The following PHKA1 variants were observed in gnomAD, a reference collection of about 807,000 sequenced individuals.
PHKA1 encodes phosphorylase kinase regulatory subunit alpha 1.
In PHKA1, 60 loss-of-function variants were observed where a neutral mutation model predicts 110.2. That is an observed-to-expected ratio of 0.54 (90% CI 0.44 to 0.68). PHKA1 has a LOEUF of 0.68. Ranked by LOEUF, PHKA1 falls within the 30% of genes least tolerant of loss-of-function variation. The pLI is 0.00. For synonymous variants in PHKA1, 316 were observed against 333.6 expected (o/e 0.95, Z 0.58); for missense variants, 801 against 942.5 (o/e 0.85, Z 1.97).
chrX:72,656,420 G>A (rs782198050), intron 9 of PHKA1, among the ~76,000 whole-genome samples, 178 bp from the exon 10 acceptor site: 27 of 112,275 alleles, frequency 2.4e-4, no homozygotes, highest in Non-Finnish European at 3.4e-4. Context: ...TCTAACTAGC[G>A]GAATTGGGAT....
rs185805228 is a variant in PHKA1, at chrX:72,694,527, G to C, written c.454+1181C>G. 3.1e-3 allele frequency among the ~76,000 whole-genome samples: 346 copies of C among 111,993 alleles called. 1 individual carries two copies. Among genetic ancestry groups the C allele is most frequent in the African/African-American group, 0.011 (337 of 30,876 alleles). On this transcript the variant is annotated intron_variant, in intron 4 of 31. Coordinates refer to ENST00000373542, the MANE Select transcript of PHKA1 (RefSeq NM_002637.4). ...AAGATATCCAGCCTTACCTTGATGGGCAGTACCTTTCAAATTTCCATGTTA... is the reference window on the plus strand; with the variant it reads ...AAGATATCCAGCCTTACCTTGATGGCCAGTACCTTTCAAATTTCCATGTTA...
intron 5 of PHKA1, among the ~76,000 whole-genome samples, chrX:72,682,370 C>T (rs1556316464): frequency 8.9e-6 from 1 of 112,561 alleles, no homozygotes; most frequent in Non-Finnish European, 1.9e-5. Flanking sequence ...GCCAGCCGCC[C>T]CGTCCGGGAG....
intron 29 of PHKA1, among the ~76,000 whole-genome samples, chrX:72,586,506 C>T (rs2052432431): frequency 9.0e-6 from 1 of 111,362 alleles, no homozygotes; most frequent in Non-Finnish European, 1.9e-5. Context: ...AATTCTAAAA[C>T]CCAGAGCGCC....
At chrX:72,670,686 A>G (rs1159625719) in intron 6 of PHKA1, among the ~76,000 whole-genome samples, 2 of 112,089 alleles carry the variant, frequency 1.8e-5, no homozygotes, top group African/African-American at 3.2e-5. Context: ...AAAATCCTCA[A>G]TAAAATACTG....
chrX:72,642,060 A>C (rs1439817642), intron 14 of PHKA1, among the ~76,000 whole-genome samples: 3 of 112,318 alleles, frequency 2.7e-5, no homozygotes, highest in African/African-American at 9.7e-5. Flanking sequence ...AAATGAAAGA[A>C]CGTATCAGGA....
chrX:72,632,878 C>T (rs890957195), intron 16 of PHKA1, among the ~76,000 whole-genome samples: 7 of 111,971 alleles, frequency 6.3e-5, no homozygotes, highest in African/African-American at 2.3e-4. Flanking sequence ...ACACTTAGCT[C>T]AGTGCCTGGC....
chrX:72,594,588 T>A (rs782084628), intron 28 of PHKA1, among the ~76,000 whole-genome samples: 1 of 112,295 alleles, frequency 8.9e-6, no homozygotes, highest in South Asian at 3.7e-4. Context: ...AAAGATAACA[T>A]CTTAATAGAA....
intron 5 of PHKA1, among the ~76,000 whole-genome samples, chrX:72,677,453 A>T (rs2369218): frequency 0.09 from 9,978 of 111,373 alleles, 988 homozygotes; most frequent in East Asian, 0.67. Flanking sequence ...TAATTCAGCA[A>T]CCACTGATGG....
intron 17 of PHKA1, among the ~76,000 whole-genome samples, chrX:72,623,894 T>C (rs782573458): frequency 8.1e-5 from 9 of 111,619 alleles, no homozygotes; most frequent in Non-Finnish European, 1.7e-4. Context: ...TAATAATCTA[T>C]GAATCTGTGC....
chrX:72,677,880 G>T (rs1357522214), intron 5 of PHKA1, among the ~76,000 whole-genome samples: 2 of 109,946 alleles, frequency 1.8e-5, no homozygotes, highest in Non-Finnish European at 3.8e-5. Context: ...AGTGAGACCC[G>T]GTTTCTACAA....
At chrX:72,634,252 G>A (rs781845700) in intron 16 of PHKA1, among the ~76,000 whole-genome samples, 6 of 111,926 alleles carry the variant, frequency 5.4e-5, no homozygotes, top group Non-Finnish European at 7.5e-5. Context: ...TGTGTTAACT[G>A]TCTTAAGTAA....
intron 5 of PHKA1, among the ~76,000 whole-genome samples, chrX:72,681,512 G>A (rs1433074079): frequency 0.011 from 937 of 83,025 alleles, no homozygotes; most frequent in African/African-American, 0.041. Flanking sequence ...TCAGCCCCCC[G>A]CCTGGCCAGC....
In PHKA1 at chrX:72,581,093, C is replaced by T. The variant is rs1556200850; in HGVS notation, c.3581G>A (p.Ser1194Asn). 3 of 1,198,337 alleles carry T rather than the reference C, an allele frequency of 2.5e-6. No homozygotes were observed. In the South Asian group the frequency reaches 5.3e-5, roughly 21 times the overall value. Residue 1194 changes from serine to asparagine, a missense_variant, in exon 32 of 32, where the codon AGT (serine) becomes AAT (asparagine). Physicochemically the swap from Ser to Asn is conservative, Grantham distance 46. Coordinates refer to ENST00000373542, the MANE Select transcript of PHKA1 (RefSeq NM_002637.4). ...ICTLLYDSAP[S>N]GRFGTMTYLS... Reference sequence around the variant, plus strand: ...GTAGGTCATGGTGCCAAACCTGCCACTGGGTGCACTGTCATACAGAAGAGT... The same window carrying T: ...GTAGGTCATGGTGCCAAACCTGCCATTGGGTGCACTGTCATACAGAAGAGT...
intron 6 of PHKA1, among the ~76,000 whole-genome samples, chrX:72,675,249 TAAA>T (rs1181032765): frequency 9.2e-6 from 1 of 108,721 alleles, no homozygotes; most frequent in African/African-American, 3.3e-5. Flanking sequence ...ATAAATAAAA[TAAA>T]AAAATGGAAT....
At chrX:72,651,536 CA>C (rs2053429561) in intron 12 of PHKA1, among the ~76,000 whole-genome samples, 1 of 108,596 alleles carries the variant, frequency 9.2e-6, no homozygotes, top group African/African-American at 3.4e-5. Context: ...AACTCTGTCT[CA>C]AAAAGTAAAA....
intron 16 of PHKA1, among the ~76,000 whole-genome samples, chrX:72,632,623 C>T (rs1219604486): frequency 9.0e-6 from 1 of 111,345 alleles, no homozygotes; most frequent in East Asian, 2.8e-4. Context: ...TTATGTATTA[C>T]AGGAATCTTT....
intron 17 of PHKA1, among the ~76,000 whole-genome samples, chrX:72,625,958 T>C (rs782300901): frequency 9.0e-6 from 1 of 111,649 alleles, no homozygotes; most frequent in African/African-American, 3.3e-5. Context: ...TATAGTTATA[T>C]GTAAGAATGC....
At chrX:72,672,686 G>T (rs5912149) in intron 6 of PHKA1, among the ~76,000 whole-genome samples, 3,046 of 111,695 alleles carry the variant, frequency 0.027, 43 homozygotes, top group Middle Eastern at 0.073. Context: ...GGTGAGGGGG[G>T]ACCACAAACA....
chrX:72,593,548 A>T, intron 28 of PHKA1: 1 of 276,631 alleles, frequency 3.6e-6, no homozygotes, highest in Non-Finnish European at 6.5e-6. Context: ...TCACCATGTT[A>T]GCCAGGATGG....
Sources: gnomAD v4.1 joint callset for allele counts (sites outside exome capture counted in the v4.1 genomes callset) on GRCh38, gnomAD v4.1.1 for gene constraint, MANE v1.5 for transcripts, NCBI Gene and HGNC (gene_info 2026-07-23, HGNC 2026-07-21) for gene names.